GIPC2: variants seen among roughly 807,000 people sequenced by gnomAD.
The protein encoded by GIPC2 is GIPC PDZ domain containing family member 2, also known as PDZ domain-containing protein GIPC2.
Under a neutral mutation model 30.6 loss-of-function variants are expected in GIPC2, and 30 were observed. That is an observed-to-expected ratio of 0.98 (90% CI 0.73 to 1.33). The LOEUF (loss-of-function observed/expected upper bound fraction) is 1.33, where lower values mean the gene tolerates loss of function less well. Ranked by LOEUF, GIPC2 falls within the 40% of genes most tolerant of loss-of-function variation. The pLI, the probability that GIPC2 is intolerant of heterozygous loss-of-function variation, is 0.00. For missense variants in GIPC2, 414 were observed against 390.3 expected, an observed-to-expected ratio of 1.06 and a Z score of -0.51; for synonymous variants, 167 against 150.0, an observed-to-expected ratio of 1.11 and a Z score of -0.83.
chr1:78,059,109 C>A (rs1393672195), intron 1 of GIPC2, among the ~76,000 whole-genome samples: 1 of 152,150 alleles, frequency 6.6e-6, no homozygotes, highest in East Asian at 1.9e-4. Context: ...ACCTTGGTGA[C>A]CTTTTTAAAG....
At chr1:78,087,387 A>G (rs1260861102) in intron 2 of GIPC2, among the ~76,000 whole-genome samples, 1 of 152,188 alleles carries the variant, frequency 6.6e-6, no homozygotes, top group Non-Finnish European at 1.5e-5. Flanking sequence ...TGGTACTTGT[A>G]CAAAAACAGG....
In GIPC2 at chr1:78,094,976, G is replaced by A. The variant is rs775947410; in HGVS notation, c.451G>A (p.Asp151Asn). 6.2e-7 allele frequency: 1 copy of A among 1,600,228 alleles called. No individual in the cohort carries two copies. The highest frequency in any genetic ancestry group is 1.1e-5 in the South Asian group (1 of 90,644). Residue 151 changes from aspartate (D) to asparagine (N), a missense_variant, in exon 3 of 6, where the codon GAC becomes AAC. Transcript: ENST00000370759. ...IKRIKDGGVIDSVKTICVGDH... is the reference protein window; with the variant it reads ...IKRIKDGGVINSVKTICVGDH... The stretch of plus-strand genomic sequence containing the variant: ...GAGAATTAAAGATGGTGGTGTTATT[G>A]ACTCAGTTAAAACAATCTGTGTTGG...
intron 1 of GIPC2, among the ~76,000 whole-genome samples, chr1:78,078,504 A>G (rs1661761225): frequency 6.6e-6 from 1 of 152,194 alleles, no homozygotes; most frequent in African/African-American, 2.4e-5. Flanking sequence ...TACAGAAAAA[A>G]GAAACTAATG....
chr1:78,061,581 A>G (rs1003270273), intron 1 of GIPC2, among the ~76,000 whole-genome samples: 7 of 151,548 alleles, frequency 4.6e-5, no homozygotes, highest in African/African-American at 1.7e-4. Context: ...GCTCACTGCA[A>G]CCTCTGCTTC....
intron 1 of GIPC2, among the ~76,000 whole-genome samples, chr1:78,048,873 A>C (rs1661145316): frequency 6.6e-6 from 1 of 152,254 alleles, no homozygotes; most frequent in African/African-American, 2.4e-5. Context: ...GTGTTAGATC[A>C]AAGTTTATAA....
intron 3 of GIPC2, among the ~76,000 whole-genome samples, chr1:78,115,793 T>C (rs980938717): frequency 6.6e-6 from 1 of 152,198 alleles, no homozygotes; most frequent in Admixed American, 6.5e-5. Context: ...GTGTACTAAT[T>C]ACATGCTAAT....
At chr1:78,046,603 C>T (rs1300920205) in intron 1 of GIPC2, among the ~76,000 whole-genome samples, 1 of 152,104 alleles carries the variant, frequency 6.6e-6, no homozygotes, top group African/African-American at 2.4e-5. Context: ...ACCTTTCTTC[C>T]GCTTGCAAAT....
chr1:78,097,551 A>G (rs1293887974), intron 3 of GIPC2, among the ~76,000 whole-genome samples: 1 of 152,224 alleles, frequency 6.6e-6, no homozygotes, highest in Admixed American at 6.5e-5. Context: ...CTAGGACTGC[A>G]AGCACCACTT....
rs181263292 is a variant in GIPC2 at position 78,105,703 on chromosome 1, G to A, written c.607+10571G>A. Reference sequence around the variant, plus strand: ...ATTAAAACAGCAATGTGAGATGAAGGGGTAAAAAATGATGCTTAAATGTAA... The same window carrying A: ...ATTAAAACAGCAATGTGAGATGAAGAGGTAAAAAATGATGCTTAAATGTAA... On this transcript the variant is annotated intron_variant, in intron 3 of 5. Coordinates refer to ENST00000370759, the MANE Select transcript of GIPC2 (RefSeq NM_017655.6). Among the ~76,000 whole-genome samples, 387 of 151,994 alleles carry A rather than the reference G, an allele frequency of 2.5e-3. 4 individuals carry two copies. The highest frequency in any genetic ancestry group is 5.3e-4 in the Non-Finnish European group (36 of 67,970).
chr1:78,135,896 T>G lies in GIPC2; in HGVS notation c.*153T>G. 1 of 598,880 alleles carries G rather than the reference T, an allele frequency of 1.7e-6. No homozygotes were observed. The highest frequency in any genetic ancestry group is 2.9e-5 in the South Asian group (1 of 34,792). 37.1% of individuals were successfully genotyped at this position (598,880 alleles called of 1,614,324 possible). On this transcript the variant is annotated 3_prime_UTR_variant, in exon 6 of 6. Transcript: ENST00000370759. ...TCTTTGAAATATAATTTTGGTAATTTTGATTTCTGGGCACTTTTTAACATT... is the reference window on the plus strand; with the variant it reads ...TCTTTGAAATATAATTTTGGTAATTGTGATTTCTGGGCACTTTTTAACATT...
At chr1:78,130,121 T>TTTTTTTTTTTTTTTTTTTTTTTTTTTC (rs369892829) in intron 5 of GIPC2, among the ~76,000 whole-genome samples, 1 of 146,744 alleles carries the variant, frequency 6.8e-6, no homozygotes. Context: ...TTTTTTTTTT[T>TTTTTTTTTTTTTTTTTTTTTTTTTTTC]CAGACAGAGT....
intron 3 of GIPC2, among the ~76,000 whole-genome samples, chr1:78,104,554 A>G (rs1396400628): frequency 6.6e-6 from 1 of 152,200 alleles, no homozygotes; most frequent in Non-Finnish European, 1.5e-5. Flanking sequence ...GGAAATGATC[A>G]GGACTGGGAT....
chr1:78,127,750 C>T (rs2100444492), intron 5 of GIPC2, among the ~76,000 whole-genome samples: 1 of 152,264 alleles, frequency 6.6e-6, no homozygotes, highest in South Asian at 2.1e-4. Context: ...AGTGCAGTGG[C>T]ACAATCATAG....
intron 3 of GIPC2, among the ~76,000 whole-genome samples, chr1:78,103,653 ATG>A (rs1299573065): frequency 6.6e-6 from 1 of 152,176 alleles, no homozygotes; most frequent in Non-Finnish European, 1.5e-5. Context: ...TCTGAACATT[ATG>A]TGTTACTGCT....
At chr1:78,070,719 GTGTT>G (rs1416706988) in intron 1 of GIPC2, among the ~76,000 whole-genome samples, 1 of 152,106 alleles carries the variant, frequency 6.6e-6, no homozygotes, top group Non-Finnish European at 1.5e-5. Context: ...AGTAAAGAAA[GTGTT>G]CTTTTGGTTA....
At chr1:78,099,418 CTTTCT>C (rs950078478) in intron 3 of GIPC2, among the ~76,000 whole-genome samples, 4 of 151,208 alleles carry the variant, frequency 2.6e-5, no homozygotes, top group Non-Finnish European at 4.4e-5. Context: ...TCAGGAAAAG[CTTTCT>C]TTTCTTTTCT....
chr1:78,061,715 C>G (rs552877072), intron 1 of GIPC2, among the ~76,000 whole-genome samples: 12 of 86,724 alleles, frequency 1.4e-4, no homozygotes, highest in Admixed American at 5.3e-4. Context: ...GCCCCAGTTT[C>G]AAGTGATTTT....
chr1:78,119,342 G>T (rs1468923366), intron 3 of GIPC2, 51 bp from the exon 4 acceptor site: 1 of 979,838 alleles, frequency 1.0e-6, no homozygotes, highest in Admixed American at 1.8e-5. Flanking sequence ...ACAGTAATCT[G>T]TTGGGATGCT....
Position 78,136,716 on chromosome 1 carries a change from A to T in GIPC2, c.*973A>T, listed in dbSNP as rs1327135649. ...TTCCTTCCAGTGGAAAGAAAGGAGG[A>T]AGGGAGAATTGAGAAAATATATTAG... On this transcript the variant is annotated 3_prime_UTR_variant, in exon 6 of 6. Transcript: ENST00000370759. The T allele has an allele frequency of 6.6e-6, 1 of 150,514 alleles. No individual in the cohort carries two copies. The highest frequency in any genetic ancestry group is 1.5e-5 in the Non-Finnish European group (1 of 67,738). 9.3% of individuals were successfully genotyped at this position (150,514 alleles called of 1,614,324 possible).
Sources: gnomAD v4.1 joint callset for allele counts (sites outside exome capture counted in the v4.1 genomes callset) on GRCh38, gnomAD v4.1.1 for gene constraint, MANE v1.5 for transcripts, NCBI Gene and HGNC (gene_info 2026-07-23, HGNC 2026-07-21) for gene names.